The following TGFBR1 variants were observed in gnomAD, a reference collection of about 807,000 sequenced individuals.
The protein encoded by TGFBR1 is transforming growth factor beta receptor 1, also known as TGF-beta receptor type-1.
A neutral mutation model predicts 55.1 loss-of-function variants in TGFBR1; 20 were observed. That is an observed-to-expected ratio of 0.36 (90% CI 0.26 to 0.53). TGFBR1 has a LOEUF of 0.53. Ranked by LOEUF, TGFBR1 falls within the 20% of genes least tolerant of loss-of-function variation. TGFBR1 has a pLI of 0.91. For missense variants in TGFBR1, 385 were observed against 617.6 expected, an observed-to-expected ratio of 0.62 and a Z score of 3.99; for synonymous variants, 220 against 214.8, an observed-to-expected ratio of 1.02 and a Z score of -0.21.
intron 1 of TGFBR1, among the ~76,000 whole-genome samples, chr9:99,124,545 G>A (rs993189079): frequency 6.6e-6 from 1 of 151,944 alleles, no homozygotes; most frequent in Admixed American, 6.6e-5. Context: ...GTATCCAGGG[G>A]CCAAATCTAT....
chr9:99,149,818 T>C lies in TGFBR1; in HGVS notation c.*513T>C, dbSNP rs199521592. 2 of 227,810 alleles carry C rather than the reference T, an allele frequency of 8.8e-6. No homozygotes were observed. Among genetic ancestry groups the C allele is most frequent in the Non-Finnish European group, 8.8e-6 (1 of 113,682 alleles). The allele number at this position is 227,810 out of a possible 1,614,324, so 14.1% of individuals were successfully genotyped here. On this transcript the variant is annotated 3_prime_UTR_variant, in exon 9 of 9. Coordinates refer to ENST00000374994, the MANE Select transcript of TGFBR1 (RefSeq NM_004612.4). ...AAAACTAACACTTATAAAACTCTTA[T>C]CTTGAGTCTAAAAATGACCTCATAT...
At position 99,133,263 on chromosome 9, in the gene TGFBR1, C is replaced by G. The variant is rs533494765; in HGVS notation, c.574+524C>G. 2.6e-5 allele frequency among the ~76,000 whole-genome samples: 4 copies of G among 152,130 alleles called. No homozygotes were observed. In the East Asian group the frequency reaches 7.7e-4, roughly 29 times the overall value. On this transcript the variant is annotated intron_variant, in intron 3 of 8. Coordinates refer to ENST00000374994, the MANE Select transcript of TGFBR1 (RefSeq NM_004612.4). ...GGTTTTTTAAAATTAAACTAATGAA[C>G]TCTTATGTCATTTTCTCACTTGAGA... is the stretch of plus-strand genomic sequence containing the variant.
chr9:99,132,084 T>TG (rs1430855058), intron 2 of TGFBR1, among the ~76,000 whole-genome samples: 4 of 152,144 alleles, frequency 2.6e-5, no homozygotes, highest in Non-Finnish European at 5.9e-5. Flanking sequence ...TTTTTTTTGT[T>TG]GTTGTTTTTC....
intron 4 of TGFBR1, among the ~76,000 whole-genome samples, chr9:99,139,116 T>C (rs1201632089): frequency 1.3e-5 from 2 of 151,948 alleles, no homozygotes; most frequent in East Asian, 3.9e-4. Context: ...CTATTTTTAC[T>C]GCCTCTGTCA....
chr9:99,151,932 T>G lies in TGFBR1; in HGVS notation c.*2627T>G, dbSNP rs147373120. The G allele has an allele frequency of 5.0e-6, 1 of 200,826 alleles. No homozygotes were observed. The highest frequency in any genetic ancestry group is 2.3e-5 in the African/African-American group (1 of 43,662). The allele number at this position is 200,826 out of a possible 1,614,324, so 12.4% of individuals were successfully genotyped here. ...CTCACCTTCCAAGATTCAACGTGGC[T>G]AAAACATCTTCTGGTAAATTGTGCG... On this transcript the variant is annotated 3_prime_UTR_variant, in exon 9 of 9. Coordinates refer to ENST00000374994, the MANE Select transcript of TGFBR1 (RefSeq NM_004612.4).
chr9:99,105,020 C>A (rs1826357916), upstream of TGFBR1: 1 of 381,304 alleles, frequency 2.6e-6, no homozygotes, highest in Non-Finnish European at 3.8e-6. Flanking sequence ...CTTGGCAGCT[C>A]GCGGCGGCGG....
At chr9:99,106,030 A>G (rs1404593604) in intron 1 of TGFBR1, among the ~76,000 whole-genome samples, 1 of 152,236 alleles carries the variant, frequency 6.6e-6, no homozygotes, top group Non-Finnish European at 1.5e-5. Flanking sequence ...GGGAGTGTTG[A>G]AGTGAGTCCA....
intron 1 of TGFBR1, among the ~76,000 whole-genome samples, chr9:99,106,058 G>T (rs1826405828): frequency 6.6e-6 from 1 of 152,266 alleles, no homozygotes; most frequent in African/African-American, 2.4e-5. Context: ...GACGGCTACG[G>T]ATTGTTTTCA....
At chr9:99,148,281 C>T (rs1433161352) in intron 8 of TGFBR1, among the ~76,000 whole-genome samples, 2 of 152,148 alleles carry the variant, frequency 1.3e-5, no homozygotes, top group East Asian at 1.9e-4. Flanking sequence ...CCCAGATAAC[C>T]GTTAACCAGG....
intron 8 of TGFBR1, among the ~76,000 whole-genome samples, chr9:99,148,067 G>T (rs1299390689): frequency 6.6e-6 from 1 of 152,144 alleles, no homozygotes; most frequent in African/African-American, 2.4e-5. Context: ...CCCTTCAGCC[G>T]GGGCAACCCA....
At chr9:99,139,619 T>C (rs900398160) in intron 4 of TGFBR1, among the ~76,000 whole-genome samples, 2 of 152,236 alleles carry the variant, frequency 1.3e-5, no homozygotes, top group Non-Finnish European at 2.9e-5. Flanking sequence ...AAATGTAATT[T>C]GTATCTTCAA....
intron 1 of TGFBR1, among the ~76,000 whole-genome samples, chr9:99,111,591 T>C: frequency 6.6e-6 from 1 of 152,158 alleles, no homozygotes; most frequent in Middle Eastern, 3.4e-3. Flanking sequence ...ATTGCGCCAC[T>C]GCACTCCAGC....
rs369611795 is a variant in TGFBR1 at position 99,149,325 on chromosome 9, C to T, written c.*20C>T. ...ATGTAATTCTACAGCTTTGCCTGAA[C>T]TCTCCTTTTTTCTTCAGATCTGCTC... On this transcript the variant is annotated 3_prime_UTR_variant, in exon 9 of 9. Coordinates refer to ENST00000374994, the MANE Select transcript of TGFBR1 (RefSeq NM_004612.4). 21 of 1,613,112 alleles carry T rather than the reference C, an allele frequency of 1.3e-5. No homozygotes were observed. In the African/African-American group the frequency reaches 2.7e-4, roughly 21 times the overall value.
Position 99,152,121 on chromosome 9 carries a change from C to T in TGFBR1, c.*2816C>T. 4.8e-6 allele frequency: 1 copy of T among 207,626 alleles called. No individual in the cohort carries two copies. The highest frequency in any genetic ancestry group is 2.3e-5 in the African/African-American group (1 of 44,042). The allele number at this position is 207,626 out of a possible 1,614,324, so 12.9% of individuals were successfully genotyped here. A position where few individuals can be genotyped will look rare whatever the true frequency, so the allele number is the denominator to read the frequency against. On this transcript the variant is annotated 3_prime_UTR_variant, in exon 9 of 9. Transcript: ENST00000374994. The stretch of plus-strand genomic sequence containing the variant: ...GCAGAGACCGTTGCCTCCCCCACAG[C>T]CGTTTGACTGAAGGCTGCTCTGGAG...
At chr9:99,125,600 T>G (rs1827017631) in intron 1 of TGFBR1, among the ~76,000 whole-genome samples, 1 of 152,224 alleles carries the variant, frequency 6.6e-6, no homozygotes, top group African/African-American at 2.4e-5. Context: ...CCTTTATTTT[T>G]TACTCTTTCT....
At chr9:99,129,957 A>C (rs1282073554) in intron 2 of TGFBR1, among the ~76,000 whole-genome samples, 1 of 152,130 alleles carries the variant, frequency 6.6e-6, no homozygotes, top group African/African-American at 2.4e-5. Context: ...CAGTTTGAAG[A>C]CTTCATAAAC....
rs2118571002 is a variant in TGFBR1 at position 99,129,020 on chromosome 9, C to T, written c.263C>T (p.Pro88Leu). ...IPRDRPFVCA[P>L]SSKTGSVTTT... Reference sequence around the variant, plus strand: ...CGAGATAGGCCGTTTGTATGTGCACCCTCTTCAAAAACTGGGTCTGTGACT... The same window carrying T: ...CGAGATAGGCCGTTTGTATGTGCACTCTCTTCAAAAACTGGGTCTGTGACT... The change falls in exon 2 of 9, where the codon CCC becomes CTC. Residue 88 changes from proline (P) to leucine (L), a missense_variant. Around this residue, in one of 5 missense-constraint regions of TGFBR1, gnomAD observed 146 missense variants for 167.7 expected, o/e 0.87. Coordinates refer to ENST00000374994, the MANE Select transcript of TGFBR1 (RefSeq NM_004612.4). The T allele has an allele frequency of 6.2e-7, 1 of 1,613,826 alleles. No homozygotes were observed. Among genetic ancestry groups the T allele is most frequent in the Non-Finnish European group, 8.5e-7 (1 of 1,179,930 alleles).
Position 99,149,212 on chromosome 9 carries a change from A to G in TGFBR1, c.1419A>G (p.Glu473=). The change falls in exon 9 of 9, where the codon GAA becomes GAG. Residue 473 remains glutamate, a synonymous_variant. Coordinates refer to ENST00000374994, the MANE Select transcript of TGFBR1 (RefSeq NM_004612.4). ...ALRVMAKIMR[E]CWYANGAARL... ...GAGTAATGGCTAAAATTATGAGAGA[A>G]TGTTGGTATGCCAATGGAGCAGCTA... The G allele has an allele frequency of 6.2e-7, 1 of 1,613,478 alleles. No homozygotes were observed. Among genetic ancestry groups the G allele is most frequent in the African/African-American group, 1.3e-5 (1 of 75,020 alleles).
At chr9:99,140,102 A>G (rs1196982855) in intron 4 of TGFBR1, among the ~76,000 whole-genome samples, 2 of 152,240 alleles carry the variant, frequency 1.3e-5, no homozygotes, top group Admixed American at 1.3e-4. Flanking sequence ...GAGGTATATG[A>G]TGAATGTAGG....
Sources: allele counts gnomAD v4.1 joint callset (sites outside exome capture counted in the v4.1 genomes callset), GRCh38; gene constraint gnomAD v4.1.1; regional missense constraint gnomAD v4.1.1; transcripts MANE v1.5; gene names NCBI Gene and HGNC (gene_info 2026-07-23, HGNC 2026-07-21).